Variants in CD101 observed in about 807,000 individuals in gnomAD.
CD101 encodes the protein CD101 molecule, also known as immunoglobulin superfamily member 2.
In CD101, 76 loss-of-function variants were observed where a neutral mutation model predicts 98.2. The observed-to-expected ratio is 0.77, with a 90% CI of 0.64 to 0.94. The LOEUF is 0.94. Ranked by LOEUF, CD101 falls within the 40% of genes least tolerant of loss-of-function variation. The pLI, the probability that CD101 is intolerant of heterozygous loss-of-function variation, is 0.00. For synonymous variants in CD101, 471 were observed against 472.7 expected (o/e 1.00, Z 0.05); for missense variants, 1,145 against 1,218.8 (o/e 0.94, Z 0.90).
rs894304657 is a variant in CD101, at chr1:117,033,946, C to T, written c.2911C>T (p.Leu971Phe). The T allele has an allele frequency of 1.2e-6, 2 of 1,614,212 alleles. No individual in the cohort carries two copies. The highest frequency in any genetic ancestry group is 1.7e-5 in the Admixed American group (1 of 60,024). ...TCCCTTCGTCCTGCTCCTCCTTCTG[C>T]TCATCTCCCTCCTCTGCTTATACTG... ...ICPFVLLLLL[L>F]ISLLCLYWKA... is the part of the protein sequence containing the mutation. The change falls in exon 9 of 10, where the codon CTC (leucine) becomes TTC (phenylalanine). Residue 971 changes from leucine to phenylalanine, a missense_variant. Transcript: ENST00000682167. This position sits in a 1 kb window ranked among gnomAD's most constrained non-coding sequence, Gnocchi z 4.8.
intron 4 of CD101, among the ~76,000 whole-genome samples, chr1:117,015,407 G>GAGATTATGACTAAT (rs58112925): frequency 6.6e-6 from 1 of 151,684 alleles, no homozygotes; most frequent in Non-Finnish European, 1.5e-5. Context: ...TTAAAGTGGT[G>GAGATTATGACTAAT]AATTTCCCCT....
intron 1 of CD101, 41 bp from the exon 2 acceptor site, chr1:117,009,809 C>A: frequency 6.5e-7 from 1 of 1,550,062 alleles, no homozygotes; most frequent in Non-Finnish European, 8.7e-7. Context: ...AACTGGAACA[C>A]TAATCTCTTT....
intron 4 of CD101, among the ~76,000 whole-genome samples, chr1:117,016,471 A>G (rs1488671929): frequency 6.6e-6 from 1 of 152,160 alleles, no homozygotes; most frequent in Admixed American, 6.5e-5. Context: ...TACCCTAATT[A>G]ATATACTAAA....
At position 117,011,322 on chromosome 1, in the gene CD101, G is replaced by A. The variant is rs112591613; in HGVS notation, c.425-228G>A. 9.8e-3 allele frequency among the ~76,000 whole-genome samples: 1,493 copies of A among 152,168 alleles called. 26 individuals carry two copies. The highest frequency in any genetic ancestry group is 0.034 in the African/African-American group (1,417 of 41,482). On this transcript the variant is annotated intron_variant, in intron 2 of 9. Coordinates refer to ENST00000682167, the MANE Select transcript of CD101 (RefSeq NM_001256106.3). ...GCCTATGTTAATAAAGCAAAGTGAG[G>A]GTCAACACATTGATGAGGCATTTAC...
Position 117,005,272 on chromosome 1 carries a change from C to T in CD101, c.43+3412C>T, listed in dbSNP as rs1652465915. On this transcript the variant is annotated intron_variant, in intron 1 of 9. Transcript: ENST00000682167. This position sits in a 1 kb window ranked among gnomAD's most constrained non-coding sequence, Gnocchi z 4.4. ...TTCTCCATCCCACCCCTTCCTACCG[C>T]TCCTCACCTAGCTACTCTTTCTAGC... 6.6e-6 allele frequency among the ~76,000 whole-genome samples: 1 copy of T among 152,112 alleles called. No homozygotes were observed. The highest frequency in any genetic ancestry group is 6.5e-5 in the Admixed American group (1 of 15,268).
At position 117,018,522 on chromosome 1, in the gene CD101, C is replaced by A; in HGVS notation, c.1979C>A (p.Ala660Asp). ...LYNNRPPRAS[A>D]ISHPLRIAVT... is the part of the protein sequence containing the mutation. Reference sequence around the variant, plus strand: ...AACAACCGCCCCCCGAGGGCTTCTGCCATCTCTCACCCACTGAGGATAGCC... The same window carrying A: ...AACAACCGCCCCCCGAGGGCTTCTGACATCTCTCACCCACTGAGGATAGCC... The change falls in exon 6 of 10, where the codon GCC becomes GAC. Residue 660 changes from alanine (A) to aspartate (D), a missense_variant. By Grantham distance (126) the Ala-to-Asp change is moderately radical. Transcript: ENST00000682167. The surrounding 1 kb of genome is among the most constrained non-coding windows in gnomAD (Gnocchi z 4.3). 1 of 1,609,754 alleles carries A rather than the reference C, an allele frequency of 6.2e-7. No homozygotes were observed.
In CD101 at chr1:117,012,677, G is replaced by A. The variant is rs1190823366; in HGVS notation, c.841+711G>A. On this transcript the variant is annotated intron_variant, in intron 3 of 9. Transcript: ENST00000682167. The surrounding 1 kb of genome is among the most constrained non-coding windows in gnomAD (Gnocchi z 4.0). Reference sequence around the variant, plus strand: ...CCTGCCTTGGCCTCCCAAAGGGCTGGGATTTCAGGCGTGAGCCACCGCACC... The same window carrying A: ...CCTGCCTTGGCCTCCCAAAGGGCTGAGATTTCAGGCGTGAGCCACCGCACC... 6.6e-6 allele frequency among the ~76,000 whole-genome samples: 1 copy of A among 152,154 alleles called. No individual in the cohort carries two copies. The highest frequency in any genetic ancestry group is 1.5e-5 in the Non-Finnish European group (1 of 68,036).
At position 117,022,009 on chromosome 1, in the gene CD101, A is replaced by C. The variant is rs753303697; in HGVS notation, c.2428+26A>C. 3 of 1,572,206 alleles carry C rather than the reference A, an allele frequency of 1.9e-6. No homozygotes were observed. Among genetic ancestry groups the C allele is most frequent in the East Asian group, 2.2e-5 (1 of 44,606 alleles). On this transcript the variant is annotated intron_variant, in intron 7 of 9. Coordinates refer to ENST00000682167, the MANE Select transcript of CD101 (RefSeq NM_001256106.3). The surrounding 1 kb of genome is among the most constrained non-coding windows in gnomAD (Gnocchi z 4.8). ...GTAAACCTTGCGAGTGTATCCTCAC[A>C]ATGTCTGTCTGTCTGACGGCTGTTT...
At chr1:117,013,271 C>A in intron 3 of CD101, 135 bp from the exon 4 acceptor site, 1 of 1,074,234 alleles carries the variant, frequency 9.3e-7, no homozygotes, top group Non-Finnish European at 1.3e-6. Flanking sequence ...TTGGGTTTAC[C>A]TACCGCTATA....
rs1462173592 is a variant in CD101, at chr1:117,019,809, C to T, written c.2017+1249C>T. Among the ~76,000 whole-genome samples the T allele has an allele frequency of 6.6e-6, 1 of 152,148 alleles. No individual in the cohort carries two copies. Among genetic ancestry groups the T allele is most frequent in the Non-Finnish European group, 1.5e-5 (1 of 68,030 alleles). On this transcript the variant is annotated intron_variant, in intron 6 of 9. Coordinates refer to ENST00000682167, the MANE Select transcript of CD101 (RefSeq NM_001256106.3). This position sits in a 1 kb window ranked among gnomAD's most constrained non-coding sequence, Gnocchi z 4.3. ...TCCAAAGCTCTTTCTTCTGCATTGCCCCTTATGTCCCCACTCCTCACCAGT... is the reference window on the plus strand; with the variant it reads ...TCCAAAGCTCTTTCTTCTGCATTGCTCCTTATGTCCCCACTCCTCACCAGT...
chr1:117,018,326 A>G lies in CD101; in HGVS notation c.1783A>G (p.Ile595Val). The G allele has an allele frequency of 6.2e-7, 1 of 1,614,146 alleles. No individual in the cohort carries two copies. The highest frequency in any genetic ancestry group is 8.5e-7 in the Non-Finnish European group (1 of 1,180,028). The change falls in exon 6 of 10, where the codon ATC becomes GTC. Residue 595 changes from isoleucine to valine, a missense_variant. Coordinates refer to ENST00000682167, the MANE Select transcript of CD101 (RefSeq NM_001256106.3). The surrounding 1 kb of genome is among the most constrained non-coding windows in gnomAD (Gnocchi z 4.3). ...TCACATCTTCCACCAGCTTATTCGA[A>G]TCACCCACAATGGCACTATTGAATG... ...SSHIFHQLIRITHNGTIEWGN... is the reference protein window; with the variant it reads ...SSHIFHQLIRVTHNGTIEWGN...
rs1653859911 is a variant in CD101 at position 117,025,534 on chromosome 1, G to A, written c.2454G>A (p.Val818=). The A allele has an allele frequency of 6.3e-7, 1 of 1,592,962 alleles. No individual in the cohort carries two copies. The highest frequency in any genetic ancestry group is 8.5e-7 in the Non-Finnish European group (1 of 1,169,618). ...PTGSKVRVSK[V]YWTENVTEHR... is the part of the protein sequence containing the mutation. ...GAAGTAAGGTACGTGTCTCCAAAGT[G>A]TACTGGACCGAAAATGTGACTGAGC... is the stretch of plus-strand genomic sequence containing the variant. The change falls in exon 8 of 10, where the codon GTG becomes GTA. Residue 818 remains valine, a synonymous_variant. Transcript: ENST00000682167.
rs1375180873 is a variant in CD101, at chr1:117,010,443, A to G, written c.424+213A>G. On this transcript the variant is annotated intron_variant, in intron 2 of 9. Transcript: ENST00000682167. This position sits in a 1 kb window ranked among gnomAD's most constrained non-coding sequence, Gnocchi z 5.2. Reference sequence around the variant, plus strand: ...TCTTTTTCTCAATTATCTTTGCCATAAATATTTAGATGGTGTGTGGTTTTC... The same window carrying G: ...TCTTTTTCTCAATTATCTTTGCCATGAATATTTAGATGGTGTGTGGTTTTC... Among the ~76,000 whole-genome samples, 1 of 152,148 alleles carries G rather than the reference A, an allele frequency of 6.6e-6. No homozygotes were observed. The highest frequency in any genetic ancestry group is 1.5e-5 in the Non-Finnish European group (1 of 68,020).
chr1:117,011,906 A>G lies in CD101; in HGVS notation c.781A>G (p.Thr261Ala). The G allele has an allele frequency of 6.2e-7, 1 of 1,614,102 alleles. No homozygotes were observed. Among genetic ancestry groups the G allele is most frequent in the Non-Finnish European group, 8.5e-7 (1 of 1,180,018 alleles). Residue 261 changes from threonine to alanine, a missense_variant, in exon 3 of 10, where the codon ACT becomes GCT. Physicochemically the swap from Thr to Ala is moderately conservative, Grantham distance 58. Transcript: ENST00000682167. ...ATEWIQDPDE[T>A]WMFITKKQTD... ...GGAATGGATTCAGGATCCAGATGAA[A>G]CTTGGATGTTCATCACCAAAAAGCA...
chr1:117,009,451 G>C (rs1278939395), intron 1 of CD101, among the ~76,000 whole-genome samples: 1 of 152,246 alleles, frequency 6.6e-6, no homozygotes, highest in African/African-American at 2.4e-5. Context: ...TCTGGGAACT[G>C]CCCGATGGCA....
At chr1:117,025,386 AT>A (rs1653843039) in intron 7 of CD101, 122 bp from the exon 8 acceptor site, 6 of 783,148 alleles carry the variant, frequency 7.7e-6, no homozygotes, top group Non-Finnish European at 1.1e-5. Context: ...AATAAAAAAA[AT>A]AAAATGAATG....
chr1:117,029,192 A>AG (rs1557778759), intron 8 of CD101, among the ~76,000 whole-genome samples: 4 of 72,552 alleles, frequency 5.5e-5, no homozygotes, highest in Non-Finnish European at 7.9e-5. Context: ...AGAAAGAAAG[A>AG]AAGAAAGAAA....
At position 117,025,525 on chromosome 1, in the gene CD101, C is replaced by T. The variant is rs1389494476; in HGVS notation, c.2445C>T (p.Val815=). The change falls in exon 8 of 10, where the codon GTC becomes GTT. Residue 815 remains valine (V), a synonymous_variant. Coordinates refer to ENST00000682167, the MANE Select transcript of CD101 (RefSeq NM_001256106.3). ...KLKPTGSKVR[V]SKVYWTENVT... ...ATTTTCTAGGAAGTAAGGTACGTGTCTCCAAAGTGTACTGGACCGAAAATG... is the reference window on the plus strand; with the variant it reads ...ATTTTCTAGGAAGTAAGGTACGTGTTTCCAAAGTGTACTGGACCGAAAATG... 1 of 1,566,396 alleles carries T rather than the reference C, an allele frequency of 6.4e-7. No homozygotes were observed. Among genetic ancestry groups the T allele is most frequent in the African/African-American group, 1.4e-5 (1 of 73,542 alleles).
At chr1:117,003,353 C>T (rs542421284) in intron 1 of CD101, among the ~76,000 whole-genome samples, 32 of 152,308 alleles carry the variant, frequency 2.1e-4, no homozygotes, top group African/African-American at 7.2e-4. Context: ...GCTCATGTCT[C>T]TAGGTACATA....
Sources: gnomAD v4.1 joint callset for allele counts (sites outside exome capture counted in the v4.1 genomes callset) on GRCh38, gnomAD v4.1.1 for gene constraint, Gnocchi (gnomAD v3.1) non-coding constraint, MANE v1.5 for transcripts, NCBI Gene and HGNC (gene_info 2026-07-23, HGNC 2026-07-21) for gene names.